The following SLC35D4 variants were observed in gnomAD, a reference collection of about 807,000 sequenced individuals.
The protein encoded by SLC35D4 is solute carrier family 35 member D4.
the SLC35D4 span, among the ~76,000 whole-genome samples, chr18:23,391,340 C>T: frequency 2.0e-5 from 3 of 152,232 alleles, no homozygotes; most frequent in East Asian, 1.9e-4. Context: ...ACCCCAGAGA[C>T]CTGCTCCTAC....
At chr18:23,246,654 G>C in the SLC35D4 span, among the ~76,000 whole-genome samples, 1 of 151,652 alleles carries the variant, frequency 6.6e-6, no homozygotes, top group Admixed American at 6.6e-5. Flanking sequence ...GCCTCCCAAA[G>C]TGCTGGGATT....
chr18:23,276,361 T>A, the SLC35D4 span, among the ~76,000 whole-genome samples: 1 of 152,052 alleles, frequency 6.6e-6, no homozygotes, highest in Non-Finnish European at 1.5e-5. Flanking sequence ...GTGCTGGGAT[T>A]ACAGGCTTGA....
At chr18:23,364,674 G>A in the SLC35D4 span, among the ~76,000 whole-genome samples, 1 of 152,094 alleles carries the variant, frequency 6.6e-6, no homozygotes, top group Non-Finnish European at 1.5e-5. Context: ...GGAGGCCAAG[G>A]TGGGTGGATC....
the SLC35D4 span, among the ~76,000 whole-genome samples, chr18:23,306,895 T>C: frequency 1.3e-5 from 2 of 152,260 alleles, no homozygotes; most frequent in African/African-American, 4.8e-5. Flanking sequence ...TTCTACATAA[T>C]GTGCAGCATC....
At chr18:23,373,442 G>A in the SLC35D4 span, among the ~76,000 whole-genome samples, 1 of 152,228 alleles carries the variant, frequency 6.6e-6, no homozygotes, top group African/African-American at 2.4e-5. Context: ...AGGTTCACCA[G>A]GCATGTACAG....
chr18:23,425,979 A>G, the SLC35D4 span, among the ~76,000 whole-genome samples: 2 of 152,156 alleles, frequency 1.3e-5, no homozygotes, highest in Admixed American at 6.5e-5. Context: ...AATGATGATT[A>G]TGCCTTTGGG....
At chr18:23,384,241 T>G in the SLC35D4 span, among the ~76,000 whole-genome samples, 4 of 152,048 alleles carry the variant, frequency 2.6e-5, no homozygotes, top group African/African-American at 4.8e-5. Context: ...CAGGGAACTA[T>G]TACTGTGCCA....
At chr18:23,264,926 T>C in the SLC35D4 span, among the ~76,000 whole-genome samples, 1 of 152,206 alleles carries the variant, frequency 6.6e-6, no homozygotes, top group Non-Finnish European at 1.5e-5. Flanking sequence ...ATTACAAGCA[T>C]GAGCCACCGT....
At chr18:23,243,622 C>T in the SLC35D4 span, among the ~76,000 whole-genome samples, 1 of 151,740 alleles carries the variant, frequency 6.6e-6, no homozygotes, top group Non-Finnish European at 1.5e-5. Context: ...CCTGTAATCC[C>T]AGCACTTTGG....
At chr18:23,407,120 C>T in the SLC35D4 span, among the ~76,000 whole-genome samples, 2 of 152,170 alleles carry the variant, frequency 1.3e-5, no homozygotes, top group African/African-American at 4.8e-5. Flanking sequence ...TAAAGTTTTT[C>T]TTTTAATGTG....
At chr18:23,320,851 C>T in the SLC35D4 span, among the ~76,000 whole-genome samples, 111 of 152,318 alleles carry the variant, frequency 7.3e-4, no homozygotes, top group Admixed American at 2.0e-3. Context: ...AGGTTCAACA[C>T]GTGGCAACTG....
the SLC35D4 span, among the ~76,000 whole-genome samples, chr18:23,377,958 T>G: frequency 0.02 from 3,052 of 152,088 alleles, 94 homozygotes; most frequent in African/African-American, 0.07. Context: ...AAATCTTACA[T>G]GCTAAGAAGA....
chr18:23,248,510 G>GTT, the SLC35D4 span, among the ~76,000 whole-genome samples: 1 of 92,360 alleles, frequency 1.1e-5, no homozygotes, highest in African/African-American at 4.9e-5. Flanking sequence ...AAGACCCTAT[G>GTT]TCTTTTTTTT....
chr18:23,248,389 GAAGA>G, the SLC35D4 span, among the ~76,000 whole-genome samples: 12 of 152,058 alleles, frequency 7.9e-5, no homozygotes, highest in African/African-American at 2.7e-4. Flanking sequence ...GCAAGTTTAA[GAAGA>G]AAGAGGAGCC....
the SLC35D4 span, among the ~76,000 whole-genome samples, chr18:23,320,689 A>G: frequency 6.6e-6 from 1 of 152,204 alleles, no homozygotes; most frequent in South Asian, 2.1e-4. Flanking sequence ...CTGCAGCTCT[A>G]GTAACTTAGT....
chr18:23,399,042 A>G, the SLC35D4 span, among the ~76,000 whole-genome samples: 1 of 152,236 alleles, frequency 6.6e-6, no homozygotes, highest in African/African-American at 2.4e-5. Flanking sequence ...CAGTTCCTGC[A>G]TTTGAGGAGC....
chr18:23,250,081 A>G, the SLC35D4 span, among the ~76,000 whole-genome samples: 22 of 152,310 alleles, frequency 1.4e-4, 1 homozygote, highest in East Asian at 3.1e-3. Context: ...TACAAATAAG[A>G]TGGAGCAAAG....
chr18:23,422,262 G>A, the SLC35D4 span, among the ~76,000 whole-genome samples: 5 of 151,902 alleles, frequency 3.3e-5, no homozygotes, highest in African/African-American at 4.8e-5. Context: ...AATAGATACC[G>A]TTTCAACCCT....
At chr18:23,261,838 C>T in the SLC35D4 span, among the ~76,000 whole-genome samples, 3 of 152,308 alleles carry the variant, frequency 2.0e-5, no homozygotes, top group East Asian at 1.9e-4. Context: ...ATTCAAAGTA[C>T]ATTTATACGG....
Sources: gnomAD v4.1 joint callset for allele counts (sites outside exome capture counted in the v4.1 genomes callset) on GRCh38, gnomAD v4.1.1 for gene constraint, MANE v1.5 for transcripts, NCBI Gene and HGNC (gene_info 2026-07-23, HGNC 2026-07-21) for gene names.